ELAVL2: variants seen among roughly 807,000 people sequenced by gnomAD.
ELAVL2 encodes the protein ELAV-like protein 2.
Under a neutral mutation model 34.6 loss-of-function variants are expected in ELAVL2, and 4 were observed. That is an observed-to-expected ratio of 0.12 (90% confidence interval 0.06 to 0.26). The LOEUF (loss-of-function observed/expected upper bound fraction) is 0.26, where lower values mean the gene tolerates loss of function less well. ELAVL2 is among the 10% of genes least tolerant of loss of function. The pLI is 1.00. For missense variants in ELAVL2, 432 were observed against 442.8 expected (o/e 0.98, Z 0.22); for synonymous variants, 193 against 154.8 (o/e 1.25, Z -1.83).
chr9:23,708,242 T>C (rs1038029890), intron 3 of ELAVL2, among the ~76,000 whole-genome samples: 5 of 152,218 alleles, frequency 3.3e-5, no homozygotes, highest in African/African-American at 9.6e-5. Context: ...CAATGTTTAA[T>C]GTTAAACTTA....
At chr9:23,705,696 T>C (rs930877789) in intron 3 of ELAVL2, among the ~76,000 whole-genome samples, 5 of 152,194 alleles carry the variant, frequency 3.3e-5, no homozygotes, top group African/African-American at 9.6e-5. Context: ...CAGTTCAAAA[T>C]AGGGTTTGTG....
intron 1 of ELAVL2, among the ~76,000 whole-genome samples, chr9:23,817,000 C>G (rs1462927154): frequency 1.3e-5 from 2 of 151,854 alleles, no homozygotes; most frequent in East Asian, 3.9e-4. Context: ...GATAACATAC[C>G]TGGTTCAAAA....
chr9:23,768,611 C>A (rs2056753199), intron 1 of ELAVL2, among the ~76,000 whole-genome samples: 1 of 152,098 alleles, frequency 6.6e-6, no homozygotes. Flanking sequence ...GCCACCCTCA[C>A]CCACTGAAAT....
chr9:23,742,291 T>G (rs1418754163), intron 2 of ELAVL2, among the ~76,000 whole-genome samples: 2 of 152,148 alleles, frequency 1.3e-5, no homozygotes, highest in Non-Finnish European at 2.9e-5. Flanking sequence ...CCGACCAAGC[T>G]AAGCTGCTAT....
At chr9:23,780,632 A>G (rs2058934658) in intron 1 of ELAVL2, among the ~76,000 whole-genome samples, 1 of 150,276 alleles carries the variant, frequency 6.7e-6, no homozygotes, top group Non-Finnish European at 1.5e-5. Flanking sequence ...TTAAAGAAAT[A>G]AGAGTATTTG....
At chr9:23,760,089 GA>G (rs902669972) in intron 2 of ELAVL2, among the ~76,000 whole-genome samples, 8 of 151,780 alleles carry the variant, frequency 5.3e-5, no homozygotes, top group African/African-American at 1.9e-4. Flanking sequence ...AGAGGCAAAG[GA>G]GGTGAAGATA....
chr9:23,848,682 T>A, the ELAVL2 span, among the ~76,000 whole-genome samples: 1 of 152,230 alleles, frequency 6.6e-6, no homozygotes, highest in African/African-American at 2.4e-5. Flanking sequence ...TTTCTGTGTT[T>A]CCTATGATCA....
intron 1 of ELAVL2, among the ~76,000 whole-genome samples, chr9:23,770,133 G>A (rs1486853199): frequency 6.6e-6 from 1 of 152,208 alleles, no homozygotes; most frequent in Non-Finnish European, 1.5e-5. Flanking sequence ...GTGCTGATTT[G>A]CTGTGGATGG....
rs1381509312 is a variant in ELAVL2 at position 23,781,099 on chromosome 9, A to AT, written c.-15-18851dup. Among the ~76,000 whole-genome samples the AT allele has an allele frequency of 3.9e-5, 6 of 152,334 alleles. No homozygotes were observed. In the South Asian group the frequency reaches 8.3e-4, roughly 21 times the overall value. The stretch of plus-strand genomic sequence containing the variant: ...AACTTCCCTCATCTATTAAGAACAG[A>AT]TTTTTCTCACTCTGCTAGCGAACAG... On this transcript the variant is annotated intron_variant, in intron 1 of 6. Coordinates refer to ENST00000397312, the MANE Select transcript of ELAVL2 (RefSeq NM_004432.5).
chr9:23,814,581 T>C (rs905755440), intron 1 of ELAVL2, among the ~76,000 whole-genome samples: 4 of 151,876 alleles, frequency 2.6e-5, no homozygotes, highest in African/African-American at 9.7e-5. Context: ...ACCCCAAGGG[T>C]TTTTAAACAA....
chr9:23,794,906 T>C (rs2137371568), intron 1 of ELAVL2, among the ~76,000 whole-genome samples: 1 of 152,204 alleles, frequency 6.6e-6, no homozygotes, highest in Non-Finnish European at 1.5e-5. Context: ...TATATACAGC[T>C]CCTAGAAAAA....
intron 1 of ELAVL2, among the ~76,000 whole-genome samples, chr9:23,786,887 T>C (rs1256693180): frequency 6.6e-6 from 1 of 152,090 alleles, no homozygotes; most frequent in Non-Finnish European, 1.5e-5. Flanking sequence ...TTTACTTTTC[T>C]ATTCAAAGAA....
At chr9:23,729,130 C>A (rs1387003410) in intron 3 of ELAVL2, among the ~76,000 whole-genome samples, 1 of 152,172 alleles carries the variant, frequency 6.6e-6, no homozygotes, top group African/African-American at 2.4e-5. Context: ...AGACCTATTT[C>A]CCCTGCATTT....
At chr9:23,712,622 T>C (rs1364104164) in intron 3 of ELAVL2, among the ~76,000 whole-genome samples, 1 of 152,104 alleles carries the variant, frequency 6.6e-6, no homozygotes, top group African/African-American at 2.4e-5. Flanking sequence ...CAACCTACAA[T>C]AGCTAGAATC....
chr9:23,754,024 CA>C (rs773026500), intron 2 of ELAVL2, among the ~76,000 whole-genome samples: 1 of 152,122 alleles, frequency 6.6e-6, no homozygotes, highest in African/African-American at 2.4e-5. Flanking sequence ...GCTAGGAAAG[CA>C]CAAAATCAAA....
intron 1 of ELAVL2, among the ~76,000 whole-genome samples, chr9:23,799,417 C>G (rs184648272): frequency 6.6e-6 from 1 of 152,158 alleles, no homozygotes; most frequent in Non-Finnish European, 1.5e-5. Context: ...CAGGGTGAAA[C>G]CTGGACTAGA....
chr9:23,706,803 C>G (rs911811765), intron 3 of ELAVL2, among the ~76,000 whole-genome samples: 1 of 152,134 alleles, frequency 6.6e-6, no homozygotes, highest in Non-Finnish European at 1.5e-5. Flanking sequence ...AACATTTTCC[C>G]CATAATTTGA....
intron 3 of ELAVL2, among the ~76,000 whole-genome samples, chr9:23,720,184 T>TA (rs1198804365): frequency 6.6e-6 from 1 of 151,484 alleles, no homozygotes. Flanking sequence ...TTCACCTTTT[T>TA]TTTTTGAGAC....
intron 1 of ELAVL2, among the ~76,000 whole-genome samples, chr9:23,780,026 A>C (rs1160691859): frequency 1.9e-5 from 2 of 103,462 alleles, no homozygotes; most frequent in Non-Finnish European, 3.6e-5. Context: ...AAAAAAAAAA[A>C]AAAAAAAACT....
Sources: gnomAD v4.1 joint callset for allele counts (sites outside exome capture counted in the v4.1 genomes callset) on GRCh38, gnomAD v4.1.1 for gene constraint, MANE v1.5 for transcripts, NCBI Gene and HGNC (gene_info 2026-07-23, HGNC 2026-07-21) for gene names.